MAT1A: variants seen among roughly 807,000 people sequenced by gnomAD.
MAT1A encodes methionine adenosyltransferase 1A, also known as S-adenosylmethionine synthase isoform type-1.
MAT1A carries 19 observed loss-of-function variants against 44.0 expected under a neutral mutation model. The observed-to-expected ratio is 0.43, with a 90% CI of 0.30 to 0.63. The LOEUF is 0.63. MAT1A is among the 30% of genes least tolerant of loss of function. The probability of loss-of-function intolerance (pLI) is 0.12; values close to 1 mark genes in which losing one functional copy is unlikely to be tolerated. For missense variants in MAT1A, 397 were observed against 531.0 expected (o/e 0.75, Z 2.48); for synonymous variants, 205 against 205.6 (o/e 1.00, Z 0.03).
At chr10:80,276,631 T>C (rs1229921043) in intron 5 of MAT1A, 37 bp from the exon 6 acceptor site, 9 of 1,597,296 alleles carry the variant, frequency 5.6e-6, no homozygotes, top group Non-Finnish European at 7.7e-6. Context: ...ACTGTGAGGC[T>C]GAGGCTGAGC....
chr10:80,274,537 C>T lies in MAT1A; in HGVS notation c.1068G>A (p.Arg356=). The T allele has an allele frequency of 6.2e-7, 1 of 1,614,176 alleles. No individual in the cohort carries two copies. The highest frequency in any genetic ancestry group is 2.2e-5 in the East Asian group (1 of 44,872). The change falls in exon 8 of 9, where the codon CGG becomes CGA. Residue 356 remains arginine, a synonymous_variant. Coordinates refer to ENST00000372213, the MANE Select transcript of MAT1A (RefSeq NM_000429.3). The part of the protein sequence containing the change: ...LDVVHKNFDL[R]PGVIVRDLDL... ...CACTTTACCTGACAATGACGCCCGG[C>T]CGGAGGTCGAAGTTCTTATGCACCA...
intron 5 of MAT1A, among the ~76,000 whole-genome samples, chr10:80,279,904 ATTAGTCAATGT>A (rs1315931448): frequency 6.6e-6 from 1 of 152,120 alleles, no homozygotes; most frequent in East Asian, 1.9e-4. Context: ...TTGGGGACTC[ATTAGTCAATGT>A]TTACTAATGA....
chr10:80,283,792 G>T, intron 3 of MAT1A, 124 bp downstream of exon 3: 1 of 1,434,702 alleles, frequency 7.0e-7, no homozygotes, highest in African/African-American at 1.4e-5. Context: ...GACAAGTGTA[G>T]GAGTGTTTTC....
rs116443228 is a variant in MAT1A, at chr10:80,284,027, T to G, written c.181A>C (p.Lys61Gln). Reference sequence around the variant, plus strand: ...CCACACAGCAGCACCATGCCGGTCTTGCACACTGTCTCTGAAAGGGAGCGG... The same window carrying G: ...CCACACAGCAGCACCATGCCGGTCTGGCACACTGTCTCTGAAAGGGAGCGG... ...NAKVACETVC[K>Q]TGMVLLCGEI... Residue 61 changes from lysine to glutamine, a missense_variant, in exon 3 of 9, where the codon AAG (lysine) becomes CAG (glutamine). By Grantham distance (53) the Lys-to-Gln change is moderately conservative (BLOSUM62 1). Coordinates refer to ENST00000372213, the MANE Select transcript of MAT1A (RefSeq NM_000429.3). 3 of 1,614,144 alleles carry G rather than the reference T, an allele frequency of 1.9e-6. No individual in the cohort carries two copies. The highest frequency in any genetic ancestry group is 2.2e-5 in the East Asian group (1 of 44,894).
chr10:80,287,770 T>C (rs1164521882), intron 1 of MAT1A, among the ~76,000 whole-genome samples: 1 of 152,226 alleles, frequency 6.6e-6, no homozygotes, highest in African/African-American at 2.4e-5. Flanking sequence ...CTAGATACTT[T>C]ATACAGTTAT....
Position 80,275,083 on chromosome 10 carries a change from T to G in MAT1A, c.885A>C (p.Ala295=). ...KDYTKVDRSA[A]YAARWVAKSL... ...ACTTGGCCACCCAGCGGGCAGCATA[T>G]GCAGCTGAGCGGTCTACCTTGGTGT... The change falls in exon 7 of 9, where the codon GCA becomes GCC. Residue 295 remains alanine, a synonymous_variant. Transcript: ENST00000372213. The G allele has an allele frequency of 1.3e-6, 2 of 1,588,454 alleles. No homozygotes were observed. The highest frequency in any genetic ancestry group is 8.6e-7 in the Non-Finnish European group (1 of 1,167,796).
chr10:80,272,219 G>A lies in MAT1A; in HGVS notation c.*1562C>T, dbSNP rs951579683. 1 of 152,470 alleles carries A rather than the reference G, an allele frequency of 6.6e-6. No homozygotes were observed. Among genetic ancestry groups the A allele is most frequent in the East Asian group, 1.9e-4 (1 of 5,178 alleles). The allele number at this position is 152,470 out of a possible 1,614,324, so 9.4% of individuals were successfully genotyped here. On this transcript the variant is annotated 3_prime_UTR_variant, in exon 9 of 9. Coordinates refer to ENST00000372213, the MANE Select transcript of MAT1A (RefSeq NM_000429.3). The stretch of plus-strand genomic sequence containing the variant: ...ACCCTAGAGAGAGGCCAAGTCCCCA[G>A]TGTTCCCCTGGGGCCCATGGAGGCC...
rs1841416844 is a variant in MAT1A, at chr10:80,272,067, T to C, written c.*1714A>G. ...GTGACCAGGAGCCGGGCTTCTTTTGTTGCCTTAATTTCCTTTCACCTGAGA... is the reference window on the plus strand; with the variant it reads ...GTGACCAGGAGCCGGGCTTCTTTTGCTGCCTTAATTTCCTTTCACCTGAGA... On this transcript the variant is annotated 3_prime_UTR_variant, in exon 9 of 9. Transcript: ENST00000372213. 6.6e-6 allele frequency: 1 copy of C among 152,182 alleles called. No individual in the cohort carries two copies. The highest frequency in any genetic ancestry group is 6.5e-5 in the Admixed American group (1 of 15,280). The allele number at this position is 152,182 out of a possible 1,614,324, so 9.4% of individuals were successfully genotyped here.
intron 5 of MAT1A, among the ~76,000 whole-genome samples, chr10:80,277,218 G>A (rs1293448203): frequency 2.6e-5 from 4 of 152,212 alleles, no homozygotes; most frequent in Non-Finnish European, 4.4e-5. Context: ...GGTGCCCGCA[G>A]GGGTGCAGCT....
chr10:80,280,948 A>AGGATGGGAGAGGCCCC lies in MAT1A; in HGVS notation c.293-172_293-157dup, dbSNP rs1272032864. ...CTGTCTAGGCCCACAGCTGAGGCCC[A>AGGATGGGAGAGGCCCC]GGATGGGAGAGGCCCCGCACCTTCC... On this transcript the variant is annotated intron_variant, in intron 3 of 8. Coordinates refer to ENST00000372213, the MANE Select transcript of MAT1A (RefSeq NM_000429.3). Among the ~76,000 whole-genome samples the AGGATGGGAGAGGCCCC allele has an allele frequency of 8.5e-5, 13 of 152,310 alleles. No homozygotes were observed. In the East Asian group the frequency reaches 2.5e-3, roughly 29 times the overall value.
rs1367717109 is a variant in MAT1A, at chr10:80,275,071, G to T, written c.897C>A (p.Arg299=). The change falls in exon 7 of 9, where the codon CGC becomes CGA. Residue 299 remains arginine, a synonymous_variant. Coordinates refer to ENST00000372213, the MANE Select transcript of MAT1A (RefSeq NM_000429.3). ...KVDRSAAYAA[R]WVAKSLVKAG... ...CTTTCACCAGAGACTTGGCCACCCA[G>T]CGGGCAGCATATGCAGCTGAGCGGT... is the stretch of plus-strand genomic sequence containing the variant. 6.3e-7 allele frequency: 1 copy of T among 1,576,338 alleles called. No individual in the cohort carries two copies.
At chr10:80,283,024 AGG>A (rs1404044204) in intron 3 of MAT1A, among the ~76,000 whole-genome samples, 2 of 152,230 alleles carry the variant, frequency 1.3e-5, no homozygotes, top group Non-Finnish European at 2.9e-5. Context: ...TCAGAGAATT[AGG>A]GAAAGAGCTA....
chr10:80,276,237 T>C, intron 6 of MAT1A, 139 bp downstream of exon 6: 2 of 863,326 alleles, frequency 2.3e-6, no homozygotes, highest in Non-Finnish European at 3.8e-6. Flanking sequence ...GAGGCCAAAA[T>C]TCACCGACTT....
At chr10:80,287,233 G>A (rs150357347) in intron 1 of MAT1A, among the ~76,000 whole-genome samples, 55 of 152,334 alleles carry the variant, frequency 3.6e-4, no homozygotes, top group African/African-American at 1.2e-3. Context: ...TCCAGCAGGG[G>A]CTTCCAGATA....
Position 80,280,720 on chromosome 10 carries a change from T to G in MAT1A, c.365A>C (p.His122Pro). The change falls in exon 4 of 9, where the codon CAT (histidine) becomes CCT (proline). Residue 122 changes from histidine to proline, a missense_variant. Physicochemically the swap from His to Pro is moderately conservative, Grantham distance 77. Transcript: ENST00000372213. ...CACATCCTCCTCATTTCTGTCCAGA[T>G]GGACGCACTGGGCAATATCTGGGGA... is the stretch of plus-strand genomic sequence containing the variant. ...QQSPDIAQCV[H>P]LDRNEEDVGA... 1 of 1,614,190 alleles carries G rather than the reference T, an allele frequency of 6.2e-7. No individual in the cohort carries two copies. Among genetic ancestry groups the G allele is most frequent in the Non-Finnish European group, 8.5e-7 (1 of 1,180,028 alleles).
chr10:80,273,599 G>T lies in MAT1A; in HGVS notation c.*182C>A. The T allele has an allele frequency of 1.6e-6, 1 of 640,932 alleles. No individual in the cohort carries two copies. Among genetic ancestry groups the T allele is most frequent in the Non-Finnish European group, 2.8e-6 (1 of 355,392 alleles). The allele number at this position is 640,932 out of a possible 1,614,324, so 39.7% of individuals were successfully genotyped here. A position where few individuals can be genotyped will look rare whatever the true frequency, so the allele number is the denominator to read the frequency against. ...TCCTTACATCAAGATCCAACCTCCA[G>T]CACCAGGAAGCCCCTGCCTCCAGCT... On this transcript the variant is annotated 3_prime_UTR_variant, in exon 9 of 9. Coordinates refer to ENST00000372213, the MANE Select transcript of MAT1A (RefSeq NM_000429.3).
rs1403787093 is a variant in MAT1A, at chr10:80,273,624, T to G, written c.*157A>C. 5 of 704,356 alleles carry G rather than the reference T, an allele frequency of 7.1e-6. No individual in the cohort carries two copies. Among genetic ancestry groups the G allele is most frequent in the Non-Finnish European group, 1.3e-5 (5 of 385,806 alleles). 43.6% of individuals were successfully genotyped at this position (704,356 alleles called of 1,614,324 possible). On this transcript the variant is annotated 3_prime_UTR_variant, in exon 9 of 9. Transcript: ENST00000372213. ...GCACCAGGAAGCCCCTGCCTCCAGC[T>G]GGCCATGATGATGACAGGACAGGCT...
At position 80,289,452 on chromosome 10, in the gene MAT1A, T is replaced by C. The variant is rs1259699600; in HGVS notation, c.-29A>G. 1 of 1,554,882 alleles carries C rather than the reference T, an allele frequency of 6.4e-7. No homozygotes were observed. Among genetic ancestry groups the C allele is most frequent in the Non-Finnish European group, 8.9e-7 (1 of 1,126,072 alleles). Reference sequence around the variant, plus strand: ...CTCACACTTCTCCACTCACGCTTCTTTCAGTGAACAATTTTGAGGCTGTGA... The same window carrying C: ...CTCACACTTCTCCACTCACGCTTCTCTCAGTGAACAATTTTGAGGCTGTGA... On this transcript the variant is annotated 5_prime_UTR_variant, in exon 1 of 9. Transcript: ENST00000372213.
chr10:80,275,489 C>G (rs1841474759), intron 6 of MAT1A: 1 of 489,694 alleles, frequency 2.0e-6, no homozygotes, highest in South Asian at 2.1e-5. Context: ...GTTACTGAGT[C>G]CATCACAATG....
Sources: allele counts gnomAD v4.1 joint callset (sites outside exome capture counted in the v4.1 genomes callset), GRCh38; gene constraint gnomAD v4.1.1; transcripts MANE v1.5; gene names NCBI Gene and HGNC (gene_info 2026-07-23, HGNC 2026-07-21).